DLG2: variants seen among roughly 807,000 people sequenced by gnomAD.
The protein encoded by DLG2 is disks large homolog 2.
A neutral mutation model predicts 132.5 loss-of-function variants in DLG2; 45 were observed. The observed-to-expected ratio is 0.34, with a 90% CI of 0.27 to 0.44. The LOEUF (loss-of-function observed/expected upper bound fraction) is 0.44, where lower values mean the gene tolerates loss of function less well. Among genes scored for constraint, DLG2 ranks in the 20% least tolerant of loss-of-function variants. The probability of loss-of-function intolerance (pLI) is 1.00; values close to 1 mark genes in which losing one functional copy is unlikely to be tolerated. For synonymous variants in DLG2, 424 were observed against 419.6 expected (o/e 1.01, Z -0.13); for missense variants, 1,045 against 1,196.9 (o/e 0.87, Z 1.87).
In DLG2 at chr11:84,925,069, G is replaced by T. The variant is rs368690301; in HGVS notation, c.357+186592C>A. 3.3e-5 allele frequency among the ~76,000 whole-genome samples: 5 copies of T among 152,248 alleles called. No individual in the cohort carries two copies. The South Asian group carries it at 1.0e-3, about 32-fold the overall frequency. ...CTTAAAAATGCCTTTCTCCACTGAG[G>T]ATTCAGAGGAACTTTTAAAAACCTA... On this transcript the variant is annotated intron_variant, in intron 6 of 27. Transcript: ENST00000376104.
At chr11:84,910,954 G>A (rs2091999883) in intron 6 of DLG2, among the ~76,000 whole-genome samples, 1 of 152,160 alleles carries the variant, frequency 6.6e-6, no homozygotes, top group African/African-American at 2.4e-5. Context: ...TTCCATGTTA[G>A]AGAAGAAACT....
intron 21 of DLG2, among the ~76,000 whole-genome samples, chr11:83,486,666 C>T (rs190462386): frequency 6.6e-6 from 1 of 151,980 alleles, no homozygotes; most frequent in African/African-American, 2.4e-5. Context: ...TACAAAAGAA[C>T]AGAAAATACA....
intron 7 of DLG2, among the ~76,000 whole-genome samples, chr11:84,362,997 T>C (rs1227753161): frequency 6.6e-6 from 1 of 151,824 alleles, no homozygotes; most frequent in Non-Finnish European, 1.5e-5. Flanking sequence ...TATAGCAGCA[T>C]GATTTATAGT....
intron 2 of DLG2, among the ~76,000 whole-genome samples, chr11:85,601,345 C>CT (rs113469585): frequency 8.0e-4 from 116 of 144,948 alleles, no homozygotes; most frequent in Middle Eastern, 3.5e-3. Context: ...TTGAGTTTAA[C>CT]TTTTTTTTTT....
intron 6 of DLG2, among the ~76,000 whole-genome samples, chr11:84,743,868 G>C (rs956038050): frequency 2.0e-5 from 3 of 152,082 alleles, no homozygotes; most frequent in Non-Finnish European, 2.9e-5. Flanking sequence ...GGGACTACAG[G>C]CGCCTGCCAC....
chr11:85,196,693 TTCAGGACATTTTA>T, intron 4 of DLG2, among the ~76,000 whole-genome samples: 1 of 152,360 alleles, frequency 6.6e-6, no homozygotes, highest in East Asian at 1.9e-4. Flanking sequence ...CTTATTAGAA[TTCAGGACATTTTA>T]TCAGGACAAT....
chr11:84,432,352 G>C (rs1283902068), intron 7 of DLG2, among the ~76,000 whole-genome samples: 1 of 152,190 alleles, frequency 6.6e-6, no homozygotes, highest in African/African-American at 2.4e-5. Flanking sequence ...ATGACAGAGA[G>C]GAAAGCAGAG....
chr11:84,876,048 T>C (rs2086296848), intron 6 of DLG2, among the ~76,000 whole-genome samples: 1 of 152,142 alleles, frequency 6.6e-6, no homozygotes, highest in Non-Finnish European at 1.5e-5. Context: ...TTTCTTCCCC[T>C]TTTCACTTGC....
intron 4 of DLG2, among the ~76,000 whole-genome samples, chr11:85,224,383 A>G (rs2074850181): frequency 6.6e-6 from 1 of 152,158 alleles, no homozygotes; most frequent in Non-Finnish European, 1.5e-5. Flanking sequence ...CAAGTTGACA[A>G]TACTTTCTCC....
intron 3 of DLG2, among the ~76,000 whole-genome samples, chr11:85,539,587 A>G (rs1012987957): frequency 6.6e-6 from 1 of 152,224 alleles, no homozygotes; most frequent in Non-Finnish European, 1.5e-5. Context: ...TGATAGCTGC[A>G]TAACTCTGTG....
chr11:83,544,817 G>A (rs941051901), intron 19 of DLG2, among the ~76,000 whole-genome samples: 1 of 152,126 alleles, frequency 6.6e-6, no homozygotes, highest in Non-Finnish European at 1.5e-5. Flanking sequence ...GGTGGAGGTT[G>A]AATATAAAAT....
intron 6 of DLG2, among the ~76,000 whole-genome samples, chr11:84,585,075 A>G (rs1226776291): frequency 6.6e-6 from 1 of 152,172 alleles, no homozygotes; most frequent in Admixed American, 6.5e-5. Flanking sequence ...TGACAAAGTC[A>G]TAATAATATT....
At chr11:85,233,132 C>T (rs2075388412) in intron 4 of DLG2, among the ~76,000 whole-genome samples, 1 of 151,672 alleles carries the variant, frequency 6.6e-6, no homozygotes, top group Non-Finnish European at 1.5e-5. Flanking sequence ...AAAAGGCTTT[C>T]TGCATGGGAA....
chr11:85,254,052 G>A (rs2076539968), intron 4 of DLG2, among the ~76,000 whole-genome samples: 1 of 152,174 alleles, frequency 6.6e-6, no homozygotes, highest in Non-Finnish European at 1.5e-5. Context: ...CAACATTCGG[G>A]CAGGAAAACA....
At chr11:85,303,456 G>A (rs568425918) in intron 3 of DLG2, among the ~76,000 whole-genome samples, 62 of 152,142 alleles carry the variant, frequency 4.1e-4, no homozygotes, top group Non-Finnish European at 5.4e-4. Flanking sequence ...CTTGGTCCAT[G>A]TAATTCAATA....
intron 14 of DLG2, among the ~76,000 whole-genome samples, chr11:83,938,782 C>G (rs1262565852): frequency 6.6e-6 from 1 of 152,168 alleles, no homozygotes; most frequent in Admixed American, 6.5e-5. Flanking sequence ...CTTATTTAAT[C>G]TACTTTAGGT....
intron 3 of DLG2, among the ~76,000 whole-genome samples, chr11:85,464,997 C>T (rs1297792809): frequency 2.2e-5 from 3 of 135,844 alleles, no homozygotes; most frequent in South Asian, 2.4e-4. Context: ...TCACTTGAAC[C>T]TAGGAGGTGG....
chr11:83,850,123 A>AGTGTGTGTGTGTGTGTGT (rs544279195), intron 16 of DLG2, among the ~76,000 whole-genome samples: 33 of 39,114 alleles, frequency 8.4e-4, no homozygotes, highest in South Asian at 3.2e-3. Context: ...ATTTGGGGTA[A>AGTGTGTGTGTGTGTGTGT]GTGTGTGTGT....
chr11:84,487,834 G>T (rs184795237), intron 7 of DLG2, among the ~76,000 whole-genome samples: 19 of 152,230 alleles, frequency 1.2e-4, no homozygotes, highest in Non-Finnish European at 2.6e-4. Flanking sequence ...ATTTCAACAG[G>T]TGAAGAAAAA....
Sources: allele counts gnomAD v4.1 joint callset (sites outside exome capture counted in the v4.1 genomes callset), GRCh38; gene constraint gnomAD v4.1.1; transcripts MANE v1.5; gene names NCBI Gene and HGNC (gene_info 2026-07-23, HGNC 2026-07-21).